The following RASSF2 variants were observed in gnomAD, a reference collection of about 807,000 sequenced individuals.
RASSF2 encodes the protein Ras association domain family member 2, also known as ras association domain-containing protein 2.
Under a neutral mutation model 46.3 loss-of-function variants are expected in RASSF2, and 34 were observed. The observed-to-expected ratio is 0.73, with a 90% CI of 0.56 to 0.98. The LOEUF (loss-of-function observed/expected upper bound fraction) is 0.98. Among genes scored for constraint, RASSF2 ranks in the 50% least tolerant of loss-of-function variants. The pLI, the probability that RASSF2 is intolerant of heterozygous loss-of-function variation, is 0.00. For missense variants in RASSF2, 364 were observed against 431.2 expected, an observed-to-expected ratio of 0.84 and a Z score of 1.38; for synonymous variants, 158 against 162.5, an observed-to-expected ratio of 0.97 and a Z score of 0.21.
At chr20:4,794,605 A>G (rs1425385426) in intron 5 of RASSF2, among the ~76,000 whole-genome samples, 1 of 151,464 alleles carries the variant, frequency 6.6e-6, no homozygotes, top group African/African-American at 2.4e-5. Context: ...GCTGCTGGGG[A>G]GTCTGAGTTG....
Position 4,795,873 on chromosome 20 carries a change from T to C in RASSF2, c.229A>G (p.Ile77Val). Reference sequence around the variant, plus strand: ...GAGGAGGAGGATGGAGGGGGTCGAATGCGTTCGTTGTCATCCTGCATCTGC... The same window carrying C: ...GAGGAGGAGGATGGAGGGGGTCGAACGCGTTCGTTGTCATCCTGCATCTGC... ...RLQMQDDNER[I>V]RPPPSSSSWH... Residue 77 changes from isoleucine (I) to valine (V), a missense_variant, in exon 5 of 12, where the codon ATT (isoleucine) becomes GTT (valine). Ile to Val is a conservative substitution (Grantham distance 29). Coordinates refer to ENST00000379400, the MANE Select transcript of RASSF2 (RefSeq NM_014737.3). The surrounding 1 kb of genome is among the most constrained non-coding windows in gnomAD (Gnocchi z 4.0). 6.2e-7 allele frequency: 1 copy of C among 1,610,454 alleles called. No individual in the cohort carries two copies.
chr20:4,794,340 AG>A (rs1381625609), intron 5 of RASSF2, among the ~76,000 whole-genome samples: 1 of 152,098 alleles, frequency 6.6e-6, no homozygotes, highest in African/African-American at 2.4e-5. Context: ...AGGTCAAGGA[AG>A]GTGGATATCT....
intron 8 of RASSF2, among the ~76,000 whole-genome samples, chr20:4,788,620 T>C (rs1925576213): frequency 6.6e-6 from 1 of 152,216 alleles, no homozygotes; most frequent in African/African-American, 2.4e-5. Context: ...TACAAACCTA[T>C]ACAGCATGTT....
chr20:4,792,063 C>T (rs1053554146), intron 6 of RASSF2, among the ~76,000 whole-genome samples: 2 of 151,944 alleles, frequency 1.3e-5, no homozygotes, highest in Admixed American at 6.6e-5. Context: ...CCAGCCTGGC[C>T]AACATGGCAA....
chr20:4,816,966 G>A (rs1051018954), intron 2 of RASSF2, among the ~76,000 whole-genome samples: 6 of 152,082 alleles, frequency 3.9e-5, no homozygotes, highest in African/African-American at 1.4e-4. Flanking sequence ...TTAGCCTGGC[G>A]TGGTGGTGCA....
At position 4,787,632 on chromosome 20, in the gene RASSF2, C is replaced by T. The variant is rs1444732447; in HGVS notation, c.813+1G>A. ...GATCGCCTGACCCAAAGGGAACTCA[C>T]GTCGTAGGTGACTTCCTCCACCTGG... On this transcript the variant is annotated splice_donor_variant, in intron 10 of 11. Coordinates refer to ENST00000379400, the MANE Select transcript of RASSF2 (RefSeq NM_014737.3). LOFTEE classifies it high-confidence loss of function. 21 of 1,614,056 alleles carry T rather than the reference C, an allele frequency of 1.3e-5. No individual in the cohort carries two copies. Among genetic ancestry groups the T allele is most frequent in the East Asian group, 4.5e-5 (2 of 44,892 alleles).
chr20:4,813,344 T>TGGCCCAGCCC (rs1927997592), intron 2 of RASSF2, among the ~76,000 whole-genome samples: 1 of 152,164 alleles, frequency 6.6e-6, no homozygotes, highest in South Asian at 2.1e-4. Context: ...CCACCAACTG[T>TGGCCCAGCCC]GGCCCAGCCC....
chr20:4,797,779 C>A (rs527666209), intron 4 of RASSF2, among the ~76,000 whole-genome samples: 1 of 152,166 alleles, frequency 6.6e-6, no homozygotes, highest in Non-Finnish European at 1.5e-5. Context: ...GCTAGCCCTG[C>A]CACATTTCTA....
At chr20:4,785,035 C>T (rs1925185717) in intron 11 of RASSF2, among the ~76,000 whole-genome samples, 2 of 151,670 alleles carry the variant, frequency 1.3e-5, no homozygotes, top group Admixed American at 1.3e-4. Context: ...GTTGGCTGGG[C>T]ATGGTGGCTC....
Position 4,780,475 on chromosome 20 carries a change from C to T in RASSF2, c.*3798G>A, listed in dbSNP as rs994874383. On this transcript the variant is annotated 3_prime_UTR_variant, in exon 12 of 12. Coordinates refer to ENST00000379400, the MANE Select transcript of RASSF2 (RefSeq NM_014737.3). ...GGAAGAAGGGGGCGCCACATTCATT[C>T]TTATTTTTACATCTCTAGGAAATCA... 6.6e-6 allele frequency: 1 copy of T among 152,180 alleles called. No individual in the cohort carries two copies. The highest frequency in any genetic ancestry group is 1.5e-5 in the Non-Finnish European group (1 of 68,030). 9.4% of individuals were successfully genotyped at this position (152,180 alleles called of 1,614,324 possible).
rs6052886 is a variant in RASSF2, at chr20:4,795,721, G to T, written c.287+94C>A. The T allele has an allele frequency of 0.25, 371,675 of 1,458,466 alleles. 48,869 individuals carry two copies. The highest frequency in any genetic ancestry group is 0.37 in the African/African-American group (25,870 of 69,410). The allele number at this position is 1,458,466 out of a possible 1,614,324, so 90.3% of individuals were successfully genotyped here. A position where few individuals can be genotyped will look rare whatever the true frequency, so the allele number is the denominator to read the frequency against. Reference sequence around the variant, plus strand: ...TAGTAGGAGGAGGAGCCAGGGTCAGGGCTGGCTGGAAGAAGGCAGCATTTA... The same window carrying T: ...TAGTAGGAGGAGGAGCCAGGGTCAGTGCTGGCTGGAAGAAGGCAGCATTTA... On this transcript the variant is annotated intron_variant, in intron 5 of 11. Coordinates refer to ENST00000379400, the MANE Select transcript of RASSF2 (RefSeq NM_014737.3). The surrounding 1 kb of genome is among the most constrained non-coding windows in gnomAD (Gnocchi z 4.0).
At chr20:4,813,782 C>CGT (rs11468773) in intron 2 of RASSF2, among the ~76,000 whole-genome samples, 239 of 150,266 alleles carry the variant, frequency 1.6e-3, no homozygotes, top group African/African-American at 1.6e-3. Flanking sequence ...CAGTGTGTGG[C>CGT]GTGTGTGTGT....
chr20:4,788,299 A>G, intron 8 of RASSF2, 31 bp from the exon 9 acceptor site: 2 of 1,584,410 alleles, frequency 1.3e-6, no homozygotes, highest in Non-Finnish European at 8.7e-7. Context: ...TCTTGTTGAA[A>G]GTTTCTATTT....
chr20:4,796,050 T>G, intron 4 of RASSF2, 84 bp from the exon 5 acceptor site: 4 of 1,410,776 alleles, frequency 2.8e-6, no homozygotes, highest in Non-Finnish European at 3.7e-6. Context: ...TGACACATTC[T>G]TCACATGTCC....
At position 4,782,506 on chromosome 20, in the gene RASSF2, C is replaced by T. The variant is rs961007599; in HGVS notation, c.*1767G>A. 1.3e-5 allele frequency: 2 copies of T among 152,640 alleles called. No individual in the cohort carries two copies. Among genetic ancestry groups the T allele is most frequent in the South Asian group, 4.1e-4 (2 of 4,836 alleles). 9.5% of individuals were successfully genotyped at this position (152,640 alleles called of 1,614,324 possible). On this transcript the variant is annotated 3_prime_UTR_variant, in exon 12 of 12. Coordinates refer to ENST00000379400, the MANE Select transcript of RASSF2 (RefSeq NM_014737.3). Reference sequence around the variant, plus strand: ...AGCCCTTCTGGGCTTCCACTCCATGCCCCACAGGGCTGGTGCTGCTGTCCC... The same window carrying T: ...AGCCCTTCTGGGCTTCCACTCCATGTCCCACAGGGCTGGTGCTGCTGTCCC...
At position 4,794,970 on chromosome 20, in the gene RASSF2, G is replaced by T. The variant is rs80290102; in HGVS notation, c.287+845C>A. On this transcript the variant is annotated intron_variant, in intron 5 of 11. Coordinates refer to ENST00000379400, the MANE Select transcript of RASSF2 (RefSeq NM_014737.3). ...CAATGTGGCCAACAGAGAGGGCTTG[G>T]TTTTCATTTAAACCAGAAAAAAAGG... 8.3e-3 allele frequency among the ~76,000 whole-genome samples: 1,257 copies of T among 152,310 alleles called. 53 individuals are homozygous for T. In the East Asian group the frequency reaches 0.11, roughly 13 times the overall value.
chr20:4,813,031 C>T (rs756979042), intron 2 of RASSF2, among the ~76,000 whole-genome samples: 5 of 152,124 alleles, frequency 3.3e-5, no homozygotes, highest in African/African-American at 4.8e-5. Context: ...AGGTCCAGGA[C>T]GTGGGCACTT....
chr20:4,805,176 G>A (rs560508566), intron 2 of RASSF2, among the ~76,000 whole-genome samples: 1 of 152,132 alleles, frequency 6.6e-6, no homozygotes, highest in South Asian at 2.1e-4. Flanking sequence ...ACCTTATATG[G>A]TAACAGGGAC....
chr20:4,807,029 A>C (rs1425389439), intron 2 of RASSF2, among the ~76,000 whole-genome samples: 1 of 152,238 alleles, frequency 6.6e-6, no homozygotes, highest in African/African-American at 2.4e-5. Context: ...TCTTAAAACT[A>C]TCTGGTTCTA....
Sources: allele counts gnomAD v4.1 joint callset (sites outside exome capture counted in the v4.1 genomes callset), GRCh38; gene constraint gnomAD v4.1.1; non-coding constraint Gnocchi (gnomAD v3.1); transcripts MANE v1.5; gene names NCBI Gene and HGNC (gene_info 2026-07-23, HGNC 2026-07-21).